The following LIPE variants were observed in gnomAD, a reference collection of about 807,000 sequenced individuals.
LIPE encodes the protein hormone-sensitive lipase.
LIPE carries 66 observed loss-of-function variants against 88.5 expected under a neutral mutation model. The observed-to-expected ratio is 0.75, with a 90% confidence interval of 0.61 to 0.91. The LOEUF is 0.91. Among genes scored for constraint, LIPE ranks in the 40% least tolerant of loss-of-function variants. The pLI is 0.00. For synonymous variants in LIPE, 570 were observed against 617.5 expected (o/e 0.92, Z 1.14); for missense variants, 1,346 against 1,434.7 (o/e 0.94, Z 1.00).
At chr19:42,416,998 G>C (rs2040500747) in intron 1 of LIPE, among the ~76,000 whole-genome samples, 1 of 152,200 alleles carries the variant, frequency 6.6e-6, no homozygotes, top group Non-Finnish European at 1.5e-5. Context: ...TCAGCTCACT[G>C]CAAGCTCCGC....
rs367942988 is a variant in LIPE, at chr19:42,407,690, C to T, written c.1758G>A (p.Thr586=). The T allele has an allele frequency of 1.2e-5, 20 of 1,600,076 alleles. No individual in the cohort carries two copies. The highest frequency in any genetic ancestry group is 5.2e-5 in the Admixed American group (3 of 57,528). Residue 586 remains threonine, a synonymous_variant, in exon 5 of 10, where the codon ACG becomes ACA. Transcript: ENST00000244289. This position sits in a 1 kb window ranked among gnomAD's most constrained non-coding sequence, Gnocchi z 5.8. ...GGGCCAGTGGGGGTGAGATGGTGAC[C>T]GTGAGCGTGGGGTCGGCAGTCAGTG... The part of the protein sequence containing the change: ...EMPLTADPTL[T]VTISPPLAHT...
In LIPE at chr19:42,402,973, G is replaced by A. The variant is rs1159580254; in HGVS notation, c.2601C>T (p.Gly867=). Reference sequence around the variant, plus strand: ...GGGTCAGGTTCTTGAGGGAATCCGTGCCCAGTGGGCCCTGGGGCTGGGCCA... The same window carrying A: ...GGGTCAGGTTCTTGAGGGAATCCGTACCCAGTGGGCCCTGGGGCTGGGCCA... ...AALAQPQGPL[G]TDSLKNLTLR... Residue 867 remains glycine (G), a synonymous_variant, in exon 9 of 10, where the codon GGC becomes GGT. Coordinates refer to ENST00000244289, the MANE Select transcript of LIPE (RefSeq NM_005357.4). The A allele has an allele frequency of 6.2e-7, 1 of 1,603,846 alleles. No homozygotes were observed. The highest frequency in any genetic ancestry group is 1.1e-5 in the South Asian group (1 of 90,964).
chr19:42,426,423 C>T lies in LIPE; in HGVS notation c.727G>A (p.Asp243Asn). The change falls in exon 1 of 10, where the codon GAC becomes AAC. Residue 243 changes from aspartate to asparagine, a missense_variant. Coordinates refer to ENST00000244289, the MANE Select transcript of LIPE (RefSeq NM_005357.4). Reference protein sequence around the residue: ...ESESDVGSSSDTDSPATMGGM... With the variant: ...ESESDVGSSSNTDSPATMGGM... ...CCCATCGTGGCTGGAGAATCTGTGT[C>T]TGAAGATGATCCCACATCTGATTCT... The T allele has an allele frequency of 6.2e-7, 1 of 1,614,168 alleles. No individual in the cohort carries two copies. The highest frequency in any genetic ancestry group is 8.5e-7 in the Non-Finnish European group (1 of 1,180,008).
Position 42,427,033 on chromosome 19 carries a change from CG to C in LIPE, c.116del (p.Ser39Ter), listed in dbSNP as rs759312179. On this transcript the variant is annotated frameshift_variant, in exon 1 of 10. Coordinates refer to ENST00000244289, the MANE Select transcript of LIPE (RefSeq NM_005357.4). LOFTEE classifies it high-confidence loss of function. ...PEKTPIAQPE[S>X]KTLQGSNTQQ... ...GGGTATTGGATCCCTGCAGAGTCTTCGATTCTGGCTGGGCTATGGGTGTCTT... is the reference window on the plus strand; with the variant it reads ...GGGTATTGGATCCCTGCAGAGTCTTCATTCTGGCTGGGCTATGGGTGTCTT... 32 of 1,613,484 alleles carry C rather than the reference CG, an allele frequency of 2.0e-5. No homozygotes were observed. Among genetic ancestry groups the C allele is most frequent in the Non-Finnish European group, 2.3e-5 (27 of 1,179,950 alleles).
Position 42,421,067 on chromosome 19 carries a change from G to A in LIPE, c.883+5200C>T, listed in dbSNP as rs150585868. On this transcript the variant is annotated intron_variant, in intron 1 of 9. Transcript: ENST00000244289. ...GTACACCCCACCATGCCCGGCTAAT[G>A]TTTGTGTTTTTGGTAGAGACGGGGT... Among the ~76,000 whole-genome samples the A allele has an allele frequency of 3.1e-3, 471 of 152,132 alleles. 1 individual carries two copies. Among genetic ancestry groups the A allele is most frequent in the Middle Eastern group, 0.01 (3 of 294 alleles).
At chr19:42,422,964 C>A (rs1178418086) in intron 1 of LIPE, 2 of 171,846 alleles carry the variant, frequency 1.2e-5, no homozygotes. Flanking sequence ...ACTATGGGCA[C>A]CCCTTCCTCC....
intron 1 of LIPE, chr19:42,423,671 C>T (rs981083859): frequency 1.7e-6 from 2 of 1,154,052 alleles, no homozygotes; most frequent in Non-Finnish European, 2.2e-6. Flanking sequence ...GGTCCAGCTC[C>T]CTAACCAATT....
intron 1 of LIPE, chr19:42,423,361 C>T: frequency 8.0e-7 from 1 of 1,249,098 alleles, no homozygotes; most frequent in South Asian, 1.2e-5. Context: ...GCTGTCCCCA[C>T]TGCCCCGTAG....
rs930298803 is a variant in LIPE at position 42,407,988 on chromosome 19, C to T, written c.1644G>A (p.Met548Ile). The T allele has an allele frequency of 1.5e-5, 24 of 1,613,148 alleles. No individual in the cohort carries two copies. The highest frequency in any genetic ancestry group is 2.7e-5 in the African/African-American group (2 of 74,894). ...FWKAFWNITE[M>I]EVLSSLANMA... ...AACAGGCCCTCACCGATAGCACTTC[C>T]ATCTCGGTGATGTTCCAGAAGGCTT... Residue 548 changes from methionine to isoleucine, a missense_variant, in exon 4 of 10, where the codon ATG becomes ATA. By Grantham distance (10) the Met-to-Ile change is conservative. Transcript: ENST00000244289. The surrounding 1 kb of genome is among the most constrained non-coding windows in gnomAD (Gnocchi z 5.8).
intron 1 of LIPE, among the ~76,000 whole-genome samples, chr19:42,420,009 C>CTTTTT (rs201890153): frequency 1.4e-4 from 18 of 128,674 alleles, no homozygotes; most frequent in Non-Finnish European, 1.9e-4. Flanking sequence ...GATTTCTTTT[C>CTTTTT]TTTTTTTTTT....
chr19:42,402,497 T>C (rs2040013792), intron 9 of LIPE, 110 bp downstream of exon 9: 27 of 981,440 alleles, frequency 2.8e-5, no homozygotes, highest in Non-Finnish European at 3.8e-5. Flanking sequence ...TGTCCCTTTC[T>C]CCCCACTCCG....
intron 1 of LIPE, chr19:42,424,751 C>T (rs2040677033): frequency 7.7e-6 from 3 of 389,386 alleles, no homozygotes; most frequent in Non-Finnish European, 1.5e-5. Flanking sequence ...GGGACTTCAA[C>T]AAGTAACCTC....
Position 42,401,692 on chromosome 19 carries a change from C to CGG in LIPE, c.*118_*119dup. 10 of 372,002 alleles carry CGG rather than the reference C, an allele frequency of 2.7e-5. No individual in the cohort carries two copies. Among genetic ancestry groups the CGG allele is most frequent in the East Asian group, 6.9e-5 (1 of 14,482 alleles). 23.0% of individuals were successfully genotyped at this position (372,002 alleles called of 1,614,324 possible). On this transcript the variant is annotated 3_prime_UTR_variant, in exon 10 of 10. Transcript: ENST00000244289. ...TCCCCGTGGCGAGGGTCTCAGCTTT[C>CGG]GGGCCCCCGCCCCGCCCCCTTGCCA...
At position 42,407,856 on chromosome 19, in the gene LIPE, C is replaced by T. The variant is rs1462292342; in HGVS notation, c.1657-65G>A. On this transcript the variant is annotated intron_variant, in intron 4 of 9. Coordinates refer to ENST00000244289, the MANE Select transcript of LIPE (RefSeq NM_005357.4). The surrounding 1 kb of genome is among the most constrained non-coding windows in gnomAD (Gnocchi z 5.8). ...CCTGCAGGGGTGCCCTTCACCTCTC[C>T]CTCTGATCCCCAGTCTTTCCCCTTG... The T allele has an allele frequency of 4.5e-6, 7 of 1,549,998 alleles. No homozygotes were observed. The highest frequency in any genetic ancestry group is 2.3e-5 in the East Asian group (1 of 44,110).
At chr19:42,419,037 G>A (rs185330360) in intron 1 of LIPE, among the ~76,000 whole-genome samples, 2 of 152,294 alleles carry the variant, frequency 1.3e-5, no homozygotes, top group African/African-American at 4.8e-5. Flanking sequence ...CCACCACTTT[G>A]GGAGGCTGAG....
At position 42,414,203 on chromosome 19, in the gene LIPE, G is replaced by A. The variant is rs2040442458; in HGVS notation, c.884-3361C>T. Among the ~76,000 whole-genome samples the A allele has an allele frequency of 6.6e-6, 1 of 152,116 alleles. No individual in the cohort carries two copies. Among genetic ancestry groups the A allele is most frequent in the East Asian group, 1.9e-4 (1 of 5,188 alleles). On this transcript the variant is annotated intron_variant, in intron 1 of 9. Coordinates refer to ENST00000244289, the MANE Select transcript of LIPE (RefSeq NM_005357.4). The surrounding 1 kb of genome is among the most constrained non-coding windows in gnomAD (Gnocchi z 4.6). The stretch of plus-strand genomic sequence containing the variant: ...ACAGGAGAATCACTTGAACCCAGGA[G>A]GCAGAGGTTGCAGTGAGCTGAGATC...
chr19:42,424,130 TCTC>T, intron 1 of LIPE: 1 of 1,197,580 alleles, frequency 8.4e-7, no homozygotes, highest in South Asian at 1.5e-5. Flanking sequence ...GTCTCCTAGT[TCTC>T]CTATTGCGCT....
intron 7 of LIPE, 178 bp from the exon 8 acceptor site, chr19:42,405,739 G>A (rs2040149819): frequency 1.6e-6 from 1 of 625,180 alleles, no homozygotes; most frequent in African/African-American, 1.8e-5. Flanking sequence ...GGAGGCCAAG[G>A]CGAGAGGATG....
chr19:42,412,634 C>T, intron 1 of LIPE: 6 of 911,058 alleles, frequency 6.6e-6, no homozygotes, highest in Non-Finnish European at 6.6e-6. Flanking sequence ...ACCCAGGAGT[C>T]CACACCCACA....
Sources: gnomAD v4.1 joint callset for allele counts (sites outside exome capture counted in the v4.1 genomes callset) on GRCh38, gnomAD v4.1.1 for gene constraint, Gnocchi (gnomAD v3.1) non-coding constraint, MANE v1.5 for transcripts, NCBI Gene and HGNC (gene_info 2026-07-23, HGNC 2026-07-21) for gene names.